OR1J2: variants seen among roughly 807,000 people sequenced by gnomAD.
OR1J2 encodes olfactory receptor 1J2.
For synonymous variants in OR1J2, 142 were observed against 99.7 expected (o/e 1.42, Z -2.52); for missense variants, 304 against 246.1 (o/e 1.24, Z -1.57).
the OR1J2 span, among the ~76,000 whole-genome samples, chr9:122,501,096 C>T: frequency 1.3e-5 from 2 of 151,976 alleles, no homozygotes; most frequent in African/African-American, 4.8e-5. Flanking sequence ...TGCACATGCT[C>T]CAAAATGTTA....
the OR1J2 span, among the ~76,000 whole-genome samples, chr9:122,474,374 A>G: frequency 6.6e-6 from 1 of 152,184 alleles, no homozygotes; most frequent in Admixed American, 6.5e-5. Context: ...AAATGTGGCT[A>G]AAAGGGTCTT....
chr9:122,484,878 CA>C, the OR1J2 span, among the ~76,000 whole-genome samples: 40,455 of 151,672 alleles, frequency 0.27, 5,820 homozygotes, highest in African/African-American at 0.36. Context: ...ACCAAAAATA[CA>C]AAAAATTAGC....
At chr9:122,531,082 G>A in the OR1J2 span, among the ~76,000 whole-genome samples, 1 of 152,130 alleles carries the variant, frequency 6.6e-6, no homozygotes, top group Non-Finnish European at 1.5e-5. Flanking sequence ...ATTTTTTGGG[G>A]GTGGTATGGA....
chr9:122,497,335 C>G, the OR1J2 span, among the ~76,000 whole-genome samples: 1 of 152,222 alleles, frequency 6.6e-6, no homozygotes, highest in African/African-American at 2.4e-5. Context: ...TGCCTCCTAT[C>G]TACCATCTTC....
the OR1J2 span, among the ~76,000 whole-genome samples, chr9:122,455,601 T>C: frequency 6.6e-6 from 1 of 152,208 alleles, no homozygotes; most frequent in Non-Finnish European, 1.5e-5. Flanking sequence ...GGATAAGATA[T>C]CGATATCCTT....
chr9:122,510,671 C>A (rs960981081), upstream of OR1J2: 1 of 597,626 alleles, frequency 1.7e-6, no homozygotes, highest in Admixed American at 2.9e-5. Context: ...CCGATAGGCC[C>A]CAGTGTGTGT....
At chr9:122,571,753 G>A in the OR1J2 span, among the ~76,000 whole-genome samples, 1 of 151,816 alleles carries the variant, frequency 6.6e-6, no homozygotes, top group Non-Finnish European at 1.5e-5. Flanking sequence ...GGTGGAGGTG[G>A]GTCTTGTGTG....
the OR1J2 span, among the ~76,000 whole-genome samples, chr9:122,497,510 G>A: frequency 6.6e-6 from 1 of 152,150 alleles, no homozygotes; most frequent in Non-Finnish European, 1.5e-5. Context: ...GGGATTAGTT[G>A]TAATGTCACC....
At chr9:122,513,455 A>T (rs1290518710), downstream of OR1J2, among the ~76,000 whole-genome samples, 1 of 152,154 alleles carries the variant, frequency 6.6e-6, no homozygotes, top group East Asian at 1.9e-4. Flanking sequence ...GGGTGAAAAC[A>T]GTCTGGCATT....
chr9:122,527,214 C>T, the OR1J2 span: 1 of 1,614,030 alleles, frequency 6.2e-7, no homozygotes, highest in Non-Finnish European at 8.5e-7. Context: ...CAGGAAAATT[C>T]CGAAGAGGGA....
chr9:122,545,289 C>T, the OR1J2 span, among the ~76,000 whole-genome samples: 31 of 151,930 alleles, frequency 2.0e-4, no homozygotes, highest in African/African-American at 7.5e-4. Flanking sequence ...AAAGAATGTG[C>T]ATTTTATAAG....
At chr9:122,523,553 T>C in the OR1J2 span, among the ~76,000 whole-genome samples, 1 of 152,106 alleles carries the variant, frequency 6.6e-6, no homozygotes, top group Non-Finnish European at 1.5e-5. Flanking sequence ...AGGTAACAGA[T>C]AATGTGTGCC....
chr9:122,565,708 TA>T, the OR1J2 span, among the ~76,000 whole-genome samples: 1 of 152,262 alleles, frequency 6.6e-6, no homozygotes, highest in Non-Finnish European at 1.5e-5. Context: ...GTTTTTAACT[TA>T]CCTTCTCCCC....
At chr9:122,496,983 C>T in the OR1J2 span, among the ~76,000 whole-genome samples, 2 of 152,082 alleles carry the variant, frequency 1.3e-5, no homozygotes, top group African/African-American at 4.8e-5. Flanking sequence ...GAGAAAGACT[C>T]ACCCTGCTCC....
the OR1J2 span, among the ~76,000 whole-genome samples, chr9:122,571,580 G>A: frequency 6.6e-6 from 1 of 151,562 alleles, no homozygotes; most frequent in Non-Finnish European, 1.5e-5. Context: ...GCTGAGTGTG[G>A]TGGGGCGCAC....
At chr9:122,520,113 A>G in the OR1J2 span, 107 of 1,516,226 alleles carry the variant, frequency 7.1e-5, no homozygotes, top group South Asian at 1.2e-3. Flanking sequence ...AGACATATGT[A>G]CTGACCTATT....
the OR1J2 span, chr9:122,477,675 G>T: frequency 6.2e-7 from 1 of 1,614,212 alleles, no homozygotes; most frequent in Non-Finnish European, 8.5e-7. Flanking sequence ...GAGTCTGCAT[G>T]TTCATCAGCA....
chr9:122,469,731 A>T, the OR1J2 span, among the ~76,000 whole-genome samples: 1 of 152,216 alleles, frequency 6.6e-6, no homozygotes, highest in Non-Finnish European at 1.5e-5. Context: ...ATTGTTAATG[A>T]TATGGACAAT....
chr9:122,458,447 G>A, the OR1J2 span, among the ~76,000 whole-genome samples: 3 of 152,178 alleles, frequency 2.0e-5, no homozygotes, highest in Non-Finnish European at 4.4e-5. Context: ...CTAAGACTGG[G>A]TAATTTATAA....
Sources: allele counts gnomAD v4.1 joint callset (sites outside exome capture counted in the v4.1 genomes callset), GRCh38; gene constraint gnomAD v4.1.1; transcripts MANE v1.5; gene names NCBI Gene and HGNC (gene_info 2026-07-23, HGNC 2026-07-21).